The following FBP1 variants were observed in gnomAD, a reference collection of about 807,000 sequenced individuals.
FBP1 encodes the protein fructose-bisphosphatase 1.
FBP1 carries 22 observed loss-of-function variants against 29.9 expected under a neutral mutation model. That is an observed-to-expected ratio of 0.74 (90% CI 0.53 to 1.05). The LOEUF (loss-of-function observed/expected upper bound fraction) is 1.05. Ranked by LOEUF, FBP1 falls within the 50% of genes least tolerant of loss-of-function variation. The pLI is 0.00. For synonymous variants in FBP1, 175 were observed against 178.6 expected (o/e 0.98, Z 0.16); for missense variants, 345 against 448.2 (o/e 0.77, Z 2.08).
At position 94,606,820 on chromosome 9, in the gene FBP1, G is replaced by A. The variant is rs1179544660; in HGVS notation, c.700C>T (p.Pro234Ser). The change falls in exon 5 of 7, where the codon CCC (proline) becomes TCC (serine). Residue 234 changes from proline to serine, a missense_variant. Transcript: ENST00000375326. ...CTCCCCGGGCCCTCACTTACTGGGG[G>A]GAACTTCTTCCTCTGGATGTACTCA... ...VTEYIQRKKF[P>S]PDNSAPYGAR... 6.2e-7 allele frequency: 1 copy of A among 1,613,694 alleles called. No homozygotes were observed. Among genetic ancestry groups the A allele is most frequent in the Middle Eastern group, 1.7e-4 (1 of 5,954 alleles).
At chr9:94,613,831 A>G (rs1380594524) in intron 3 of FBP1, among the ~76,000 whole-genome samples, 1 of 151,506 alleles carries the variant, frequency 6.6e-6, no homozygotes, top group African/African-American at 2.4e-5. Flanking sequence ...TAATCCTAGC[A>G]CTTTGGGAGG....
intron 1 of FBP1, among the ~76,000 whole-genome samples, chr9:94,631,044 AG>A (rs1353615971): frequency 6.6e-6 from 1 of 152,222 alleles, no homozygotes; most frequent in Non-Finnish European, 1.5e-5. Flanking sequence ...AGAAGAAAAA[AG>A]TGCTCCAAGT....
At chr9:94,609,190 GA>G (rs869220165) in intron 4 of FBP1, among the ~76,000 whole-genome samples, 171 of 111,914 alleles carry the variant, frequency 1.5e-3, no homozygotes, top group Middle Eastern at 4.7e-3. Context: ...CTACATCTCA[GA>G]AAAAAAAAAA....
intron 1 of FBP1, among the ~76,000 whole-genome samples, chr9:94,623,533 G>A: frequency 6.6e-6 from 1 of 152,232 alleles, no homozygotes; most frequent in Non-Finnish European, 1.5e-5. Context: ...GGACAGCTCG[G>A]GGGGCCGGGA....
intron 1 of FBP1, among the ~76,000 whole-genome samples, chr9:94,624,319 C>A (rs953690900): frequency 1.7e-5 from 2 of 114,470 alleles, no homozygotes; most frequent in African/African-American, 3.5e-5. Flanking sequence ...GCCTGGGCGA[C>A]AAAGCGAGAC....
intron 1 of FBP1, among the ~76,000 whole-genome samples, chr9:94,634,046 G>C (rs563004122): frequency 6.2e-4 from 94 of 150,510 alleles, no homozygotes; most frequent in Non-Finnish European, 8.3e-4. Context: ...GTAATCCCAG[G>C]ACTTTGGGAG....
chr9:94,621,673 T>G (rs1412834523), intron 1 of FBP1, among the ~76,000 whole-genome samples: 3 of 152,186 alleles, frequency 2.0e-5, no homozygotes. Context: ...ATCTGTTTAT[T>G]GCAGTATGTG....
intron 1 of FBP1, among the ~76,000 whole-genome samples, chr9:94,628,435 C>A (rs975817572): frequency 2.1e-4 from 32 of 151,522 alleles, no homozygotes; most frequent in African/African-American, 7.0e-4. Context: ...GTGAGGTTTT[C>A]TCCACCTTTT....
chr9:94,628,030 G>T (rs1323359772), intron 1 of FBP1, among the ~76,000 whole-genome samples: 1 of 152,212 alleles, frequency 6.6e-6, no homozygotes, highest in Admixed American at 6.5e-5. Context: ...GCAGGGGCAG[G>T]AAGGGCAATT....
At chr9:94,609,071 T>C (rs769141465) in intron 4 of FBP1, among the ~76,000 whole-genome samples, 12 of 151,696 alleles carry the variant, frequency 7.9e-5, no homozygotes, top group Non-Finnish European at 1.5e-4. Context: ...GCGCCTGTAG[T>C]CCCAGCTACT....
chr9:94,635,829 G>A (rs1563990030), intron 1 of FBP1, among the ~76,000 whole-genome samples: 2 of 152,196 alleles, frequency 1.3e-5, no homozygotes, highest in Non-Finnish European at 2.9e-5. Flanking sequence ...ACCTCATGAT[G>A]TGTGCAGGGG....
chr9:94,621,269 G>C (rs1220345942), intron 1 of FBP1, among the ~76,000 whole-genome samples: 10 of 147,862 alleles, frequency 6.8e-5, no homozygotes, highest in Admixed American at 4.8e-4. Flanking sequence ...GGTGGCGGGC[G>C]CCTGTAGTCC....
Position 94,632,833 on chromosome 9 carries a change from C to T in FBP1, c.170+6308G>A, listed in dbSNP as rs368279175. Among the ~76,000 whole-genome samples the T allele has an allele frequency of 3.3e-5, 5 of 152,216 alleles. No homozygotes were observed. In the East Asian group the frequency reaches 7.7e-4, roughly 23 times the overall value. On this transcript the variant is annotated intron_variant, in intron 1 of 6. Coordinates refer to ENST00000375326, the MANE Select transcript of FBP1 (RefSeq NM_000507.4). ...TGTCACATCAACAGCCCAATCCTCA[C>T]AGACGTTGAATGGCAGGGCCAGGAA...
chr9:94,607,669 G>A (rs370027659), intron 4 of FBP1, among the ~76,000 whole-genome samples: 26 of 152,218 alleles, frequency 1.7e-4, no homozygotes, highest in African/African-American at 3.1e-4. Context: ...CTATTGCTCC[G>A]GATTGAGGAT....
At chr9:94,626,566 C>T (rs1178078685) in intron 1 of FBP1, among the ~76,000 whole-genome samples, 6 of 152,136 alleles carry the variant, frequency 3.9e-5, no homozygotes, top group Non-Finnish European at 5.9e-5. Context: ...CGTCACACCT[C>T]GGGGACCCTA....
At chr9:94,620,635 C>T (rs1827932995) in intron 1 of FBP1, 144 bp from the exon 2 acceptor site, 3 of 803,970 alleles carry the variant, frequency 3.7e-6, no homozygotes, top group African/African-American at 1.7e-5. Flanking sequence ...AAGCTGGAAT[C>T]CATCATTCTC....
chr9:94,613,197 T>TA (rs1325797158), intron 3 of FBP1, among the ~76,000 whole-genome samples: 2 of 152,086 alleles, frequency 1.3e-5, no homozygotes, highest in African/African-American at 4.8e-5. Flanking sequence ...CATTGCAAGT[T>TA]AGAGTATGTC....
intron 2 of FBP1, among the ~76,000 whole-genome samples, chr9:94,620,022 A>T (rs1827922888): frequency 6.6e-6 from 1 of 152,158 alleles, no homozygotes; most frequent in Non-Finnish European, 1.5e-5. Flanking sequence ...GGGATGTAGT[A>T]CAAGAGGTGA....
Position 94,628,334 on chromosome 9 carries a change from C to T in FBP1, c.171-7843G>A, listed in dbSNP as rs867133634. Among the ~76,000 whole-genome samples, 11 of 147,046 alleles carry T rather than the reference C, an allele frequency of 7.5e-5. No individual in the cohort carries two copies. The South Asian group carries it at 1.7e-3, about 23-fold the overall frequency. On this transcript the variant is annotated intron_variant, in intron 1 of 6. Transcript: ENST00000375326. ...CCAGGAGGCAAAGGTTGCAGTGAGC[C>T]AAGGTCACACCACTGCACTCTAGAA... is the stretch of plus-strand genomic sequence containing the variant.
Sources: gnomAD v4.1 joint callset for allele counts (sites outside exome capture counted in the v4.1 genomes callset) on GRCh38, gnomAD v4.1.1 for gene constraint, MANE v1.5 for transcripts, NCBI Gene and HGNC (gene_info 2026-07-23, HGNC 2026-07-21) for gene names.